Variants in PRKCZ observed in about 807,000 individuals in gnomAD.
The protein encoded by PRKCZ is protein kinase C zeta type.
In PRKCZ, 33 loss-of-function variants were observed where a neutral mutation model predicts 79.5. That is an observed-to-expected ratio of 0.41 (90% CI 0.31 to 0.55). PRKCZ has a LOEUF of 0.55. PRKCZ is among the 20% of genes least tolerant of loss of function. PRKCZ has a pLI of 0.19. For synonymous variants in PRKCZ, 342 were observed against 320.9 expected (o/e 1.07, Z -0.70); for missense variants, 578 against 813.5 (o/e 0.71, Z 3.52).
chr1:2,048,565 G>A (rs1659416849), upstream of PRKCZ, among the ~76,000 whole-genome samples: 1 of 152,122 alleles, frequency 6.6e-6, no homozygotes, highest in Non-Finnish European at 1.5e-5. Context: ...AGAGGAGCTG[G>A]CCTTCCCTCC....
chr1:2,141,317 T>C (rs1557662366), intron 5 of PRKCZ: 1 of 151,396 alleles, frequency 6.6e-6, no homozygotes, highest in Non-Finnish European at 1.5e-5. Context: ...TCAATTTGTT[T>C]TTTGTTTGTT....
rs373745809 is a variant in PRKCZ at position 2,164,560 on chromosome 1, C to T, written c.975-4958C>T. Among the ~76,000 whole-genome samples, 19 of 152,246 alleles carry T rather than the reference C, an allele frequency of 1.2e-4. No homozygotes were observed. In the East Asian group the frequency reaches 2.3e-3, roughly 19 times the overall value. On this transcript the variant is annotated intron_variant, in intron 10 of 17. Transcript: ENST00000378567. Reference sequence around the variant, plus strand: ...GATGTGGAACTGGAAACTGTCAGGGCGACAGCCCTGCTTCTGGTGGGAGAA... The same window carrying T: ...GATGTGGAACTGGAAACTGTCAGGGTGACAGCCCTGCTTCTGGTGGGAGAA...
At chr1:2,152,732 C>T (rs770148715) in intron 9 of PRKCZ, among the ~76,000 whole-genome samples, 21 of 152,242 alleles carry the variant, frequency 1.4e-4, no homozygotes, top group South Asian at 4.1e-4. Context: ...GGACTTCCGT[C>T]TTCTGCACGC....
At chr1:2,151,397 C>T (rs1034710674) in intron 9 of PRKCZ, among the ~76,000 whole-genome samples, 3 of 152,232 alleles carry the variant, frequency 2.0e-5, no homozygotes, top group Non-Finnish European at 4.4e-5. Context: ...CATGTATGGC[C>T]AACCACTGAT....
In PRKCZ at chr1:2,102,848, C is replaced by G. The variant is rs143424858; in HGVS notation, c.335-32414C>G. Among the ~76,000 whole-genome samples, 224 of 152,144 alleles carry G rather than the reference C, an allele frequency of 1.5e-3. 1 individual carries two copies. Among genetic ancestry groups the G allele is most frequent in the African/African-American group, 5.3e-3 (221 of 41,516 alleles). On this transcript the variant is annotated intron_variant, in intron 4 of 17. Transcript: ENST00000378567. ...CTGGAGGGGCCTTACCCTTTGGACT[C>G]TTGACTGTTTTTATATTCTGGCCCC...
intron 4 of PRKCZ, among the ~76,000 whole-genome samples, chr1:2,119,601 G>A (rs552480801): frequency 6.6e-6 from 1 of 152,158 alleles, no homozygotes; most frequent in South Asian, 2.1e-4. Flanking sequence ...AATTCTACGT[G>A]TATTTCAGAC....
At chr1:2,099,463 A>G (rs1318107389) in intron 4 of PRKCZ, among the ~76,000 whole-genome samples, 1 of 141,932 alleles carries the variant, frequency 7.0e-6, no homozygotes, top group Non-Finnish European at 1.5e-5. Context: ...CCAGGGTGTG[A>G]TGGACACAGG....
At chr1:2,176,449 A>T (rs2100436768) in intron 16 of PRKCZ, among the ~76,000 whole-genome samples, 1 of 152,290 alleles carries the variant, frequency 6.6e-6, no homozygotes, top group South Asian at 2.1e-4. Flanking sequence ...TGTTTCCAGC[A>T]CATGGAGGGT....
At chr1:2,135,450 C>A in intron 5 of PRKCZ, 103 bp downstream of exon 5, 1 of 1,090,878 alleles carries the variant, frequency 9.2e-7, no homozygotes, top group Non-Finnish European at 1.3e-6. Context: ...AGGCTGGGCT[C>A]TTTTTGGCGC....
chr1:2,181,548 G>A (rs1274399426), intron 16 of PRKCZ, among the ~76,000 whole-genome samples: 7 of 152,220 alleles, frequency 4.6e-5, no homozygotes, highest in East Asian at 1.9e-4. Context: ...CATGGGTCCC[G>A]ACCTGGAGCC....
At chr1:2,123,472 T>C (rs1459790563) in intron 4 of PRKCZ, among the ~76,000 whole-genome samples, 2 of 6,680 alleles carry the variant, frequency 3.0e-4, no homozygotes, top group Non-Finnish European at 4.5e-4. Context: ...TGGTTAGGGT[T>C]GTGGTGGTTA....
At position 2,106,602 on chromosome 1, in the gene PRKCZ, A is replaced by ACGTGTGT. The variant is rs1557574739; in HGVS notation, c.335-28659_335-28658insGTGTGTC. ...GCCCCTCCAGTGGGCGAGGACCTCC[A>ACGTGTGT]CACGTGTCACCAGGCCAGGTAACTC... On this transcript the variant is annotated intron_variant, in intron 4 of 17. Transcript: ENST00000378567. Among the ~76,000 whole-genome samples, 10 of 41,682 alleles carry ACGTGTGT rather than the reference A, an allele frequency of 2.4e-4. 1 individual carries two copies. The highest frequency in any genetic ancestry group is 8.4e-4 in the African/African-American group (10 of 11,890). 27.3% of individuals were successfully genotyped at this position (41,682 alleles called of 152,430 possible).
chr1:2,091,896 T>C (rs1049120192), intron 4 of PRKCZ, among the ~76,000 whole-genome samples: 1 of 152,222 alleles, frequency 6.6e-6, no homozygotes. Context: ...ATTGTTTCTT[T>C]TTCTTTTACT....
In PRKCZ at chr1:2,168,379, A is replaced by T. The variant is rs1184869552; in HGVS notation, c.975-1139A>T. ...TCCGTTGGAGGCAGGGGAGACAACA[A>T]AAGCCGAGGAACGAGCCTTCCCCAG... On this transcript the variant is annotated intron_variant, in intron 10 of 17. Transcript: ENST00000378567. The surrounding 1 kb of genome is among the most constrained non-coding windows in gnomAD (Gnocchi z 4.7). Among the ~76,000 whole-genome samples, 1 of 152,192 alleles carries T rather than the reference A, an allele frequency of 6.6e-6. No homozygotes were observed. Among genetic ancestry groups the T allele is most frequent in the African/African-American group, 2.4e-5 (1 of 41,426 alleles).
chr1:2,179,430 T>TGA (rs1034479104), intron 16 of PRKCZ, among the ~76,000 whole-genome samples: 3 of 152,140 alleles, frequency 2.0e-5, no homozygotes, highest in African/African-American at 7.2e-5. Context: ...CTGCAAAGCC[T>TGA]GAGTATTTGT....
chr1:2,064,317 T>G (rs1468613962), intron 4 of PRKCZ, among the ~76,000 whole-genome samples: 1 of 152,246 alleles, frequency 6.6e-6, no homozygotes, highest in East Asian at 1.9e-4. Flanking sequence ...CTTTGTGGGT[T>G]GTTTTTTTAC....
intron 16 of PRKCZ, among the ~76,000 whole-genome samples, chr1:2,179,177 C>T (rs537392924): frequency 6.6e-6 from 1 of 152,188 alleles, no homozygotes; most frequent in Non-Finnish European, 1.5e-5. Context: ...TCCCATGGGC[C>T]GTGTCTAGAC....
In PRKCZ at chr1:2,184,631, G is replaced by A. The variant is rs143763676; in HGVS notation, c.1624G>A (p.Asp542Asn). The change falls in exon 17 of 18, where the codon GAC (aspartate) becomes AAC (asparagine). Residue 542 changes from aspartate to asparagine, a missense_variant. By Grantham distance (23) the Asp-to-Asn change is conservative. Coordinates refer to ENST00000378567, the MANE Select transcript of PRKCZ (RefSeq NM_002744.6). ...TCCATTCCAGCCACAGATCACAGAC[G>A]ACTACGGTCTGGACAACTTTGACAC... ...LPPFQPQITD[D>N]YGLDNFDTQF... is the part of the protein sequence containing the mutation. 11 of 1,614,050 alleles carry A rather than the reference G, an allele frequency of 6.8e-6. No individual in the cohort carries two copies. Among genetic ancestry groups the A allele is most frequent in the East Asian group, 4.5e-5 (2 of 44,884 alleles).
chr1:2,148,805 G>A, intron 7 of PRKCZ, 67 bp from the exon 8 acceptor site: 1 of 1,518,608 alleles, frequency 6.6e-7, no homozygotes, highest in Non-Finnish European at 9.1e-7. Context: ...GGTCCACAGG[G>A]TCGCTGTGTT....
Sources: allele counts gnomAD v4.1 joint callset (sites outside exome capture counted in the v4.1 genomes callset), GRCh38; gene constraint gnomAD v4.1.1; non-coding constraint Gnocchi (gnomAD v3.1); transcripts MANE v1.5; gene names NCBI Gene and HGNC (gene_info 2026-07-23, HGNC 2026-07-21).